The following KCNMB2 variants were observed in gnomAD, a reference collection of about 807,000 sequenced individuals.
KCNMB2 encodes the protein potassium calcium-activated channel subfamily M regulatory beta subunit 2.
Under a neutral mutation model 24.5 loss-of-function variants are expected in KCNMB2, and 9 were observed. The ratio of observed to expected loss-of-function variants is 0.37; its 90% confidence interval spans 0.22 to 0.64. The LOEUF (loss-of-function observed/expected upper bound fraction) is 0.64. KCNMB2 is among the 30% of genes least tolerant of loss of function. KCNMB2 has a pLI of 0.63. For missense variants in KCNMB2, 226 were observed against 284.3 expected, an observed-to-expected ratio of 0.79 and a Z score of 1.47; for synonymous variants, 109 against 104.4, an observed-to-expected ratio of 1.04 and a Z score of -0.27.
chr3:178,654,040 T>C (rs557008887), intron 1 of KCNMB2, among the ~76,000 whole-genome samples: 5 of 152,290 alleles, frequency 3.3e-5, no homozygotes, highest in African/African-American at 1.2e-4. Flanking sequence ...CTTTAGGTTA[T>C]AGATCTAGCT....
At chr3:178,748,956 A>G (rs1242884797) in intron 1 of KCNMB2, 2 of 152,224 alleles carry the variant, frequency 1.3e-5, no homozygotes, top group African/African-American at 4.8e-5. Flanking sequence ...CAAAACAAAG[A>G]TTCCAGTTTA....
At chr3:178,809,065 C>A (rs1714087562) in intron 2 of KCNMB2, among the ~76,000 whole-genome samples, 1 of 152,158 alleles carries the variant, frequency 6.6e-6, no homozygotes, top group South Asian at 2.1e-4. Flanking sequence ...AATTATTTTT[C>A]ATTTGCTTTC....
chr3:178,796,939 AG>A (rs771605601), intron 1 of KCNMB2, among the ~76,000 whole-genome samples: 22 of 152,114 alleles, frequency 1.4e-4, no homozygotes, highest in Non-Finnish European at 2.6e-4. Flanking sequence ...ACAATACAAA[AG>A]ATCAATGAAA....
At chr3:178,610,488 C>T (rs1357416201) in intron 1 of KCNMB2, among the ~76,000 whole-genome samples, 5 of 151,846 alleles carry the variant, frequency 3.3e-5, no homozygotes, top group African/African-American at 7.3e-5. Context: ...ATGTTAATTC[C>T]TAGATATATA....
intron 1 of KCNMB2, among the ~76,000 whole-genome samples, chr3:178,589,154 G>A (rs1717569271): frequency 6.6e-6 from 1 of 152,190 alleles, no homozygotes; most frequent in Non-Finnish European, 1.5e-5. Flanking sequence ...TCAAATAAAT[G>A]TAATGGGTTT....
chr3:178,777,403 C>T (rs1712627514), intron 1 of KCNMB2, among the ~76,000 whole-genome samples: 1 of 152,158 alleles, frequency 6.6e-6, no homozygotes, highest in South Asian at 2.1e-4. Flanking sequence ...CACTGCACTC[C>T]AGCCCGGGTG....
chr3:178,563,676 G>T (rs1716405378), intron 1 of KCNMB2, among the ~76,000 whole-genome samples: 2 of 152,128 alleles, frequency 1.3e-5, no homozygotes, highest in Non-Finnish European at 2.9e-5. Context: ...TATGGGGAAG[G>T]CATATGCAAT....
intron 1 of KCNMB2, among the ~76,000 whole-genome samples, chr3:178,760,069 T>G (rs1483213084): frequency 4.2e-5 from 2 of 47,286 alleles, no homozygotes; most frequent in Non-Finnish European, 3.6e-5. Flanking sequence ...TCTATATATA[T>G]ATATATAGCC....
chr3:178,574,945 G>A (rs1716938146), intron 1 of KCNMB2, among the ~76,000 whole-genome samples: 1 of 152,080 alleles, frequency 6.6e-6, no homozygotes, highest in Admixed American at 6.6e-5. Flanking sequence ...GTGCATACCT[G>A]TAATCCCAGC....
At chr3:178,538,042 A>T (rs1358553091) in intron 1 of KCNMB2, among the ~76,000 whole-genome samples, 3 of 152,244 alleles carry the variant, frequency 2.0e-5, no homozygotes, top group Non-Finnish European at 4.4e-5. Context: ...AAGGATAAAT[A>T]GGGCTTTTGC....
At chr3:178,568,818 A>C in intron 1 of KCNMB2, among the ~76,000 whole-genome samples, 1 of 61,954 alleles carries the variant, frequency 1.6e-5, no homozygotes, top group African/African-American at 8.7e-5. Flanking sequence ...TAGATAGATA[A>C]TAGATAGATA....
intron 1 of KCNMB2, among the ~76,000 whole-genome samples, chr3:178,758,784 T>G (rs1330692516): frequency 2.1e-4 from 3 of 14,448 alleles, no homozygotes; most frequent in African/African-American, 1.7e-3. Flanking sequence ...TATATATATA[T>G]ATATATATAT....
chr3:178,734,957 AATTAGCCC>A (rs1388125794), intron 1 of KCNMB2, among the ~76,000 whole-genome samples: 1 of 152,204 alleles, frequency 6.6e-6, no homozygotes, highest in Non-Finnish European at 1.5e-5. Context: ...TCTCTGCCAC[AATTAGCCC>A]ATTATCAGAT....
rs113464216 is a variant in KCNMB2 at position 178,655,297 on chromosome 3, G to A, written c.-68+118586G>A. Among the ~76,000 whole-genome samples the A allele has an allele frequency of 8.5e-3, 1,291 of 152,186 alleles. 26 individuals carry two copies. The highest frequency in any genetic ancestry group is 0.03 in the African/African-American group (1,245 of 41,518). On this transcript the variant is annotated intron_variant, in intron 1 of 4. Coordinates refer to ENST00000452583, the MANE Select transcript of KCNMB2 (RefSeq NM_181361.3). ...AAGATAATTATTGTATTATGTGTTA[G>A]TAAGAGTTTACCCAAATTCAGATTT...
chr3:178,688,689 C>A (rs4392395), intron 1 of KCNMB2, among the ~76,000 whole-genome samples: 50,016 of 151,034 alleles, frequency 0.33, 8,982 homozygotes, highest in African/African-American at 0.48. Context: ...CTAGTGTTTG[C>A]TTTTTTTTTA....
At chr3:178,657,506 C>A (rs1042414735) in intron 1 of KCNMB2, among the ~76,000 whole-genome samples, 5 of 152,190 alleles carry the variant, frequency 3.3e-5, no homozygotes, top group Admixed American at 2.0e-4. Context: ...CTACCTCAAA[C>A]GAGACCCTTT....
At chr3:178,795,152 G>C (rs1713488091) in intron 1 of KCNMB2, 1 of 152,028 alleles carries the variant, frequency 6.6e-6, no homozygotes, top group African/African-American at 2.4e-5. Context: ...GGCCCTTCCA[G>C]AGAAATGTAC....
At chr3:178,571,967 A>C (rs555269000) in intron 1 of KCNMB2, among the ~76,000 whole-genome samples, 11 of 152,160 alleles carry the variant, frequency 7.2e-5, no homozygotes, top group Non-Finnish European at 1.0e-4. Flanking sequence ...AGTGTTTGCT[A>C]TTGTAAATAG....
At chr3:178,583,294 A>G (rs1717282552) in intron 1 of KCNMB2, among the ~76,000 whole-genome samples, 1 of 152,222 alleles carries the variant, frequency 6.6e-6, no homozygotes, top group South Asian at 2.1e-4. Context: ...TTTGCATTCC[A>G]CAAAGTAAGA....
Sources: allele counts gnomAD v4.1 joint callset (sites outside exome capture counted in the v4.1 genomes callset), GRCh38; gene constraint gnomAD v4.1.1; transcripts MANE v1.5; gene names NCBI Gene and HGNC (gene_info 2026-07-23, HGNC 2026-07-21).